PI4KA: variants seen among roughly 807,000 people sequenced by gnomAD.
PI4KA encodes the protein phosphatidylinositol 4-kinase alpha, also known as PI4-kinase alpha.
In PI4KA, 122 loss-of-function variants were observed where a neutral mutation model predicts 271.4. The observed-to-expected ratio is 0.45, with a 90% CI of 0.39 to 0.52. PI4KA has a LOEUF of 0.52. PI4KA is among the 20% of genes least tolerant of loss of function. PI4KA has a pLI of 0.00. For synonymous variants in PI4KA, 1,041 were observed against 1,078.8 expected (o/e 0.96, Z 0.69); for missense variants, 1,969 against 2,769.1 (o/e 0.71, Z 6.48).
In PI4KA at chr22:20,836,987, T is replaced by G. The variant is rs372264490; in HGVS notation, c.273+1628A>C. ...TCCACATTTGAACAACAATAGTTTC[T>G]TATAAATTTTTTTAAAATTATTTTT... On this transcript the variant is annotated intron_variant, in intron 2 of 54. Coordinates refer to ENST00000255882, the MANE Select transcript of PI4KA (RefSeq NM_058004.4). 1.1e-4 allele frequency among the ~76,000 whole-genome samples: 16 copies of G among 152,370 alleles called. No individual in the cohort carries two copies. The South Asian group carries it at 2.9e-3, about 28-fold the overall frequency.
At chr22:20,780,775 C>CAAAAAAAAAAA (rs538327544) in intron 19 of PI4KA, among the ~76,000 whole-genome samples, 19 of 67,686 alleles carry the variant, frequency 2.8e-4, no homozygotes, top group Middle Eastern at 9.6e-3. Flanking sequence ...GACTCCATCT[C>CAAAAAAAAAAA]AAAAAAAAAA....
intron 19 of PI4KA, among the ~76,000 whole-genome samples, chr22:20,765,900 G>T (rs1289739934): frequency 6.6e-6 from 1 of 152,184 alleles, no homozygotes; most frequent in East Asian, 1.9e-4. Context: ...TGCACCAGGT[G>T]CTGTGCCAGG....
At chr22:20,781,522 C>T (rs1250513637) in intron 19 of PI4KA, among the ~76,000 whole-genome samples, 1 of 152,244 alleles carries the variant, frequency 6.6e-6, no homozygotes, top group Non-Finnish European at 1.5e-5. Flanking sequence ...CAGAGCCCCT[C>T]CTGATCTGTC....
Position 20,708,232 on chromosome 22 carries a change from G to A in PI4KA, c.6258-134C>T, listed in dbSNP as rs643691. The A allele has an allele frequency of 2.1e-3, 1,556 of 751,608 alleles. 20 individuals are homozygous for A. In the African/African-American group the frequency reaches 0.024, roughly 12 times the overall value. The allele number at this position is 751,608 out of a possible 1,614,324, so 46.6% of individuals were successfully genotyped here. A position where few individuals can be genotyped will look rare whatever the true frequency, so the allele number is the denominator to read the frequency against. On this transcript the variant is annotated intron_variant, in intron 54 of 54. Transcript: ENST00000255882. ...ACCTGAAGGTACAAATGTCCCAGGC[G>A]TGCCCTCCCCCACCCAGTGACCACA...
At chr22:20,809,629 G>C (rs75897394) in intron 9 of PI4KA, among the ~76,000 whole-genome samples, 4,519 of 152,138 alleles carry the variant, frequency 0.03, 87 homozygotes, top group Middle Eastern at 0.061. Flanking sequence ...TCTGCCCTCA[G>C]TCACAAATGA....
intron 1 of PI4KA, among the ~76,000 whole-genome samples, chr22:20,854,036 A>G (rs1269183990): frequency 6.6e-6 from 1 of 151,722 alleles, no homozygotes; most frequent in Non-Finnish European, 1.5e-5. Flanking sequence ...TGTTCACCTG[A>G]GCAATCAAAT....
rs117786894 is a variant in PI4KA at position 20,809,730 on chromosome 22, G to T, written c.1071+1237C>A. ...GAGAGAGTTAAAGCTCAGGCCAATG[G>T]GCAGAACGACAACCTGAAAAAGGGT... On this transcript the variant is annotated intron_variant, in intron 9 of 54. Transcript: ENST00000255882. 7.6e-3 allele frequency among the ~76,000 whole-genome samples: 1,153 copies of T among 152,242 alleles called. 11 individuals carry two copies. Among genetic ancestry groups the T allele is most frequent in the East Asian group, 0.055 (287 of 5,184 alleles).
In PI4KA at chr22:20,774,419, T is replaced by C. The variant is rs138987371; in HGVS notation, c.2329-8726A>G. ...GAATTGGATAACTGTCCTGTGATTA[T>C]GTATGAGAATATCCTTGCTCTTGGG... On this transcript the variant is annotated intron_variant, in intron 19 of 54. Coordinates refer to ENST00000255882, the MANE Select transcript of PI4KA (RefSeq NM_058004.4). Among the ~76,000 whole-genome samples, 155 of 152,348 alleles carry C rather than the reference T, an allele frequency of 1.0e-3. 1 individual carries two copies. The highest frequency in any genetic ancestry group is 1.9e-3 in the Non-Finnish European group (132 of 68,030).
intron 52 of PI4KA, 81 bp from the exon 53 acceptor site, chr22:20,710,078 G>A: frequency 2.6e-6 from 2 of 765,708 alleles, no homozygotes; most frequent in East Asian, 2.6e-5. Flanking sequence ...ACTGGCTGAT[G>A]CCAACAGCCT....
chr22:20,820,494 G>A, intron 5 of PI4KA, 45 bp downstream of exon 5: 1 of 1,254,008 alleles, frequency 8.0e-7, no homozygotes, highest in Non-Finnish European at 1.1e-6. Context: ...AAGGGAAAGA[G>A]TAACCACAAA....
At chr22:20,712,888 C>G in intron 48 of PI4KA, 91 bp from the exon 49 acceptor site, 17 of 1,547,600 alleles carry the variant, frequency 1.1e-5, no homozygotes, top group Non-Finnish European at 1.4e-5. Context: ...GCCAAGCACC[C>G]AGAGATGGAG....
At chr22:20,783,211 A>C (rs1413026104) in intron 19 of PI4KA, among the ~76,000 whole-genome samples, 1 of 152,202 alleles carries the variant, frequency 6.6e-6, no homozygotes, top group East Asian at 1.9e-4. Context: ...CACTGTCCCC[A>C]TATCTACAGT....
chr22:20,721,156 G>A, intron 43 of PI4KA, 142 bp downstream of exon 43: 1 of 816,386 alleles, frequency 1.2e-6, no homozygotes, highest in Non-Finnish European at 2.1e-6. Flanking sequence ...TGAAAGGTGA[G>A]AAGTGCCCCA....
rs140392610 is a variant in PI4KA at position 20,799,700 on chromosome 22, G to A, written c.1791C>T (p.Asn597=). ...IVEAFLASLS[N]RLYISQESDK... Reference sequence around the variant, plus strand: ...CGCTCTCCTGAGAGATGTAGAGCCGGTTGGACAGGCTGGCCAAGAACGCCT... The same window carrying A: ...CGCTCTCCTGAGAGATGTAGAGCCGATTGGACAGGCTGGCCAAGAACGCCT... Residue 597 remains asparagine, a synonymous_variant, in exon 15 of 55, where the codon AAC becomes AAT. Coordinates refer to ENST00000255882, the MANE Select transcript of PI4KA (RefSeq NM_058004.4). The A allele has an allele frequency of 5.7e-4, 879 of 1,552,832 alleles. 1 individual carries two copies. Among genetic ancestry groups the A allele is most frequent in the Non-Finnish European group, 6.5e-4 (749 of 1,147,586 alleles).
At chr22:20,796,944 G>C (rs925400717) in intron 17 of PI4KA, among the ~76,000 whole-genome samples, 15 of 152,202 alleles carry the variant, frequency 9.9e-5, no homozygotes, top group Non-Finnish European at 1.3e-4. Flanking sequence ...TGTGGCCCTG[G>C]AGACTGCCAG....
intron 3 of PI4KA, among the ~76,000 whole-genome samples, chr22:20,832,534 A>C (rs147603585): frequency 8.7e-4 from 130 of 149,456 alleles, no homozygotes; most frequent in African/African-American, 3.0e-3. Context: ...GCTCACTGCA[A>C]CCTCTACCTC....
intron 3 of PI4KA, among the ~76,000 whole-genome samples, chr22:20,829,521 A>G (rs1923878968): frequency 6.7e-6 from 1 of 148,738 alleles, no homozygotes; most frequent in Non-Finnish European, 1.5e-5. Context: ...CCCTTTATCA[A>G]TTTCTGGTTG....
intron 32 of PI4KA, among the ~76,000 whole-genome samples, chr22:20,738,134 T>C (rs1405986377): frequency 1.3e-5 from 2 of 151,280 alleles, no homozygotes; most frequent in African/African-American, 4.9e-5. Context: ...GGCAGGTGTG[T>C]GTAGGCAGGT....
chr22:20,722,179 GT>G (rs1025989962), intron 42 of PI4KA, among the ~76,000 whole-genome samples: 1 of 152,054 alleles, frequency 6.6e-6, no homozygotes, highest in South Asian at 2.1e-4. Context: ...GTCTCGGGAA[GT>G]TTTTTTGTTT....
Sources: allele counts gnomAD v4.1 joint callset (sites outside exome capture counted in the v4.1 genomes callset), GRCh38; gene constraint gnomAD v4.1.1; transcripts MANE v1.5; gene names NCBI Gene and HGNC (gene_info 2026-07-23, HGNC 2026-07-21).